VPS13A: variants seen among roughly 807,000 people sequenced by gnomAD.
VPS13A encodes the protein intermembrane lipid transfer protein VPS13A.
Under a neutral mutation model 390.9 loss-of-function variants are expected in VPS13A, and 264 were observed. That is an observed-to-expected ratio of 0.68 (90% CI 0.61 to 0.75). The LOEUF (loss-of-function observed/expected upper bound fraction) is 0.75. Among genes scored for constraint, VPS13A ranks in the 30% least tolerant of loss-of-function variants. VPS13A has a pLI of 0.00. For synonymous variants in VPS13A, 1,231 were observed against 1,227.1 expected (o/e 1.00, Z -0.07); for missense variants, 3,409 against 3,733.9 (o/e 0.91, Z 2.27).
In VPS13A at chr9:77,323,190, A is replaced by C. The variant is rs780339989; in HGVS notation, c.5954A>C (p.Glu1985Ala). 1 of 1,613,552 alleles carries C rather than the reference A, an allele frequency of 6.2e-7. No individual in the cohort carries two copies. Among genetic ancestry groups the C allele is most frequent in the Non-Finnish European group, 8.5e-7 (1 of 1,179,584 alleles). The change falls in exon 45 of 72, where the codon GAA becomes GCA. Residue 1985 changes from glutamate to alanine, a missense_variant. By Grantham distance (107) the Glu-to-Ala change is moderately radical. This residue lies in a region of VPS13A where 2,717 missense variants were observed against 2,917.4 expected (regional missense o/e 0.93). Transcript: ENST00000360280. ...ATTGTTTGTCAAATTGATACAGTAG[A>C]AGGAAGTAAGAAGGTCACAATTCGC... ...RSIVCQIDTV[E>A]GSKKVTIRSP...
intron 23 of VPS13A, among the ~76,000 whole-genome samples, chr9:77,266,804 A>C (rs1452618192): frequency 1.3e-5 from 2 of 151,896 alleles, no homozygotes; most frequent in Non-Finnish European, 2.9e-5. Flanking sequence ...ACACCAGTCA[A>C]ATGTAGGTTT....
At chr9:77,234,538 A>G (rs1407026349) in intron 17 of VPS13A, among the ~76,000 whole-genome samples, 1 of 152,134 alleles carries the variant, frequency 6.6e-6, no homozygotes, top group Non-Finnish European at 1.5e-5. Context: ...AATATTTTCG[A>G]TGGGTTTATT....
At chr9:77,216,462 T>G (rs1333665344) in intron 10 of VPS13A, among the ~76,000 whole-genome samples, 1 of 152,112 alleles carries the variant, frequency 6.6e-6, no homozygotes, top group Non-Finnish European at 1.5e-5. Context: ...TCTGGATTGA[T>G]GTAGGTGAAA....
At chr9:77,189,450 A>G (rs1445125271) in intron 1 of VPS13A, among the ~76,000 whole-genome samples, 1 of 151,894 alleles carries the variant, frequency 6.6e-6, no homozygotes, top group Non-Finnish European at 1.5e-5. Context: ...GACCTGTTCC[A>G]TTGGTCTACA....
intron 17 of VPS13A, among the ~76,000 whole-genome samples, chr9:77,233,565 C>G (rs564788361): frequency 6.6e-6 from 1 of 151,944 alleles, no homozygotes; most frequent in Non-Finnish European, 1.5e-5. Flanking sequence ...GTGAGAACTG[C>G]TTTGGATACA....
chr9:77,329,847 G>C (rs957256519), intron 45 of VPS13A, among the ~76,000 whole-genome samples: 1 of 152,062 alleles, frequency 6.6e-6, no homozygotes, highest in Non-Finnish European at 1.5e-5. Flanking sequence ...AATAAAATTT[G>C]CCCACAGTTA....
intron 27 of VPS13A, among the ~76,000 whole-genome samples, chr9:77,280,608 C>T (rs183488437): frequency 3.4e-4 from 51 of 152,062 alleles, no homozygotes; most frequent in African/African-American, 1.2e-3. Context: ...ACTTGATATT[C>T]CTAGGGTCAA....
rs770438828 is a variant in VPS13A, at chr9:77,351,522, G to A, written c.7419+76G>A. ...ATTTGGGCCGGGTGCGGTGGCTCAC[G>A]CCTGTAATCCCAGCACTTTTGGGAG... On this transcript the variant is annotated intron_variant, in intron 53 of 71. Coordinates refer to ENST00000360280, the MANE Select transcript of VPS13A (RefSeq NM_033305.3). The A allele has an allele frequency of 5.7e-5, 89 of 1,559,718 alleles. 1 individual carries two copies. The highest frequency in any genetic ancestry group is 1.7e-4 in the East Asian group (7 of 41,892).
At chr9:77,384,973 A>G (rs1833619120) in intron 68 of VPS13A, 1 of 1,108,546 alleles carries the variant, frequency 9.0e-7, no homozygotes, top group Non-Finnish European at 1.1e-6. Flanking sequence ...ACTTAAATAT[A>G]ATTTTGATGT....
intron 13 of VPS13A, among the ~76,000 whole-genome samples, chr9:77,222,459 A>G (rs1018299938): frequency 1.3e-5 from 2 of 152,206 alleles, no homozygotes; most frequent in African/African-American, 2.4e-5. Flanking sequence ...AACTATGAAA[A>G]GTGTTAAGTA....
chr9:77,265,946 A>G (rs1248060015), intron 23 of VPS13A, among the ~76,000 whole-genome samples: 2 of 152,032 alleles, frequency 1.3e-5, no homozygotes, highest in Non-Finnish European at 2.9e-5. Flanking sequence ...TAGTGCTATA[A>G]ATTTTCCTCT....
chr9:77,283,207 A>T, intron 29 of VPS13A, 148 bp from the exon 30 acceptor site: 1 of 571,152 alleles, frequency 1.8e-6, no homozygotes, highest in Admixed American at 3.4e-5. Context: ...TTCAGTAGGG[A>T]ATATCATACC....
At chr9:77,358,281 G>A (rs1388439817) in intron 56 of VPS13A, 76 bp from the exon 57 acceptor site, 4 of 1,298,348 alleles carry the variant, frequency 3.1e-6, no homozygotes, top group Admixed American at 1.8e-5. Context: ...GATTCTTTTT[G>A]TTCCTCAAAT....
At chr9:77,414,378 G>A (rs1376212213) in intron 71 of VPS13A, among the ~76,000 whole-genome samples, 1 of 152,098 alleles carries the variant, frequency 6.6e-6, no homozygotes, top group Non-Finnish European at 1.5e-5. Flanking sequence ...AGAAAATGTG[G>A]CACATATACA....
chr9:77,348,668 C>T (rs748000280), intron 52 of VPS13A, among the ~76,000 whole-genome samples: 6 of 151,708 alleles, frequency 4.0e-5, no homozygotes, highest in Non-Finnish European at 5.9e-5. Context: ...CCTTCCCTTG[C>T]CACCTTAATC....
intron 50 of VPS13A, among the ~76,000 whole-genome samples, chr9:77,341,690 C>CTTTTTTTTTT (rs1830821898): frequency 1.3e-4 from 3 of 23,562 alleles, no homozygotes; most frequent in African/African-American, 3.8e-4. Context: ...GGACATCTTT[C>CTTTTTTTTTT]CTTTTTTTTT....
At position 77,283,422 on chromosome 9, in the gene VPS13A, G is replaced by A. The variant is rs1373211496; in HGVS notation, c.3186G>A (p.Gln1062=). ...TTTTAGCAGAATTATCGTGTTTACA[G>A]ATCTTTATTCAAGATCAGAAATGTA... ...LQILAELSCL[Q]IFIQDQKCNI... is the part of the protein sequence containing the mutation. Residue 1062 remains glutamine (Q), a synonymous_variant, in exon 30 of 72, where the codon CAG becomes CAA. Coordinates refer to ENST00000360280, the MANE Select transcript of VPS13A (RefSeq NM_033305.3). 3 of 1,608,710 alleles carry A rather than the reference G, an allele frequency of 1.9e-6. No individual in the cohort carries two copies. Among genetic ancestry groups the A allele is most frequent in the East Asian group, 2.2e-5 (1 of 44,670 alleles).
intron 71 of VPS13A, 75 bp downstream of exon 71, chr9:77,407,682 C>A: frequency 8.5e-7 from 1 of 1,174,922 alleles, no homozygotes; most frequent in Non-Finnish European, 1.2e-6. Flanking sequence ...TTTTTTAATG[C>A]AGATAAGTTT....
At chr9:77,353,298 GTAGGTGCCATTAATAGTCT>G (rs1262091814) in intron 53 of VPS13A, 92 bp from the exon 54 acceptor site, 28 of 764,884 alleles carry the variant, frequency 3.7e-5, no homozygotes, top group South Asian at 1.0e-4. Context: ...ACCCCATGAA[GTAGGTGCCATTAATAGTCT>G]CATTTTATAA....
Sources: allele counts gnomAD v4.1 joint callset (sites outside exome capture counted in the v4.1 genomes callset), GRCh38; gene constraint gnomAD v4.1.1; regional missense constraint gnomAD v4.1.1; transcripts MANE v1.5; gene names NCBI Gene and HGNC (gene_info 2026-07-23, HGNC 2026-07-21).